Variants in CACNA1F observed in about 807,000 individuals in gnomAD.
The protein encoded by CACNA1F is voltage-dependent L-type calcium channel subunit alpha-1F.
CACNA1F carries 59 observed loss-of-function variants against 143.8 expected under a neutral mutation model. The observed-to-expected ratio is 0.41, with a 90% CI of 0.33 to 0.51. The LOEUF (loss-of-function observed/expected upper bound fraction) is 0.51, where lower values mean the gene tolerates loss of function less well. Among genes scored for constraint, CACNA1F ranks in the 20% least tolerant of loss-of-function variants. CACNA1F has a pLI of 0.22. For missense variants in CACNA1F, 1,411 were observed against 1,647.5 expected (o/e 0.86, Z 2.48); for synonymous variants, 643 against 649.1 (o/e 0.99, Z 0.14).
intron 1 of CACNA1F, 156 bp downstream of exon 1, chrX:49,233,129 A>G: frequency 1.9e-6 from 1 of 521,143 alleles, no homozygotes; most frequent in East Asian, 3.7e-5. Flanking sequence ...CTCTGGTGGC[A>G]GAGAGGCTGT....
Position 49,231,791 on chromosome X carries a change from G to T in CACNA1F, c.162C>A (p.His54Gln). The change falls in exon 2 of 48, where the codon CAC becomes CAA. Residue 54 changes from histidine to glutamine, a missense_variant. Around this residue, in one of 3 missense-constraint regions of CACNA1F, gnomAD observed 950 missense variants for 1,128.1 expected, o/e 0.84. Transcript: ENST00000323022. ...GLGTPKRRNQ[H>Q]SKHKTVAVAS... ...CCACTGCCACTGTCTTGTGCTTGCT[G>T]TGCTGGTTTCTTCGCTTAGGGGTCC... The T allele has an allele frequency of 3.3e-6, 4 of 1,211,509 alleles. No individual in the cohort carries two copies. Among genetic ancestry groups the T allele is most frequent in the Non-Finnish European group, 4.5e-6 (4 of 895,232 alleles).
chrX:49,225,685 G>A (rs2065816318), intron 13 of CACNA1F, among the ~76,000 whole-genome samples: 1 of 111,558 alleles, frequency 9.0e-6, no homozygotes, highest in South Asian at 3.8e-4. Context: ...GAAATTGTCA[G>A]TACACATAAA....
At chrX:49,228,603 C>T (rs782371499) in intron 6 of CACNA1F, among the ~76,000 whole-genome samples, 156 bp from the exon 7 acceptor site, 5 of 112,740 alleles carry the variant, frequency 4.4e-5, no homozygotes, top group Admixed American at 1.9e-4. Flanking sequence ...CTCCCTCTGT[C>T]GCCCAGGCTG....
intron 2 of CACNA1F, 47 bp downstream of exon 2, chrX:49,231,630 AC>A (rs1171937701): frequency 1.7e-6 from 2 of 1,197,540 alleles, no homozygotes; most frequent in Non-Finnish European, 2.3e-6. Flanking sequence ...TACTCCTGGT[AC>A]CCTGATGACC....
At position 49,223,073 on chromosome X, in the gene CACNA1F, G is replaced by T; in HGVS notation, c.1941C>A (p.Ser647=). ...TGAAGAGGAAGAGGAGAAGCAGCAA[G>T]GATGCGATGGATTTCATTGAATTGA... ...SLLNSMKSIA[S]LLLLLFLFII... Residue 647 remains serine (S), a synonymous_variant, in exon 15 of 48, where the codon TCC becomes TCA. Coordinates refer to ENST00000323022, the MANE Select transcript of CACNA1F (RefSeq NM_001256789.3). 1 of 1,202,613 alleles carries T rather than the reference G, an allele frequency of 8.3e-7. No homozygotes were observed. The highest frequency in any genetic ancestry group is 1.1e-6 in the Non-Finnish European group (1 of 890,215).
rs2092515329 is a variant in CACNA1F, at chrX:49,218,753, G to A, written c.2734-18C>T. The A allele has an allele frequency of 2.8e-6, 3 of 1,064,933 alleles. No homozygotes were observed. The highest frequency in any genetic ancestry group is 2.0e-5 in the South Asian group (1 of 50,212). The allele number at this position is 1,064,933 out of a possible 1,213,427, so 87.8% of individuals were successfully genotyped here. ...ACTGTCATCTGGGGACAGGACAAGA[G>A]GCTAGACTCAGACCTGGGGATGGTG... On this transcript the variant is annotated intron_variant, in intron 22 of 47. Transcript: ENST00000323022.
rs2065740868 is a variant in CACNA1F, at chrX:49,218,502, G to A, written c.2881C>T (p.Arg961Ter). The A allele has an allele frequency of 8.4e-7, 1 of 1,187,647 alleles. No individual in the cohort carries two copies. ...ISVVKILRVL[R>*]VLRPLRAINR... Reference sequence around the variant, plus strand: ...ATGGCTCGGAGGGGCCGCAGTACTCGGAGTACTCGCAGAATCTTCACCACC... The same window carrying A: ...ATGGCTCGGAGGGGCCGCAGTACTCAGAGTACTCGCAGAATCTTCACCACC... The change falls in exon 24 of 48, where the codon CGA becomes TGA. Residue 961 changes from arginine (R) to a stop codon, truncating the protein, a stop_gained. Coordinates refer to ENST00000323022, the MANE Select transcript of CACNA1F (RefSeq NM_001256789.3). LOFTEE classifies it high-confidence loss of function.
intron 21 of CACNA1F, 94 bp downstream of exon 21, chrX:49,219,227 C>A: frequency 2.1e-6 from 2 of 971,902 alleles, no homozygotes; most frequent in South Asian, 4.1e-5. Flanking sequence ...TCACCTAGGG[C>A]TCTTCTCCTT....
At chrX:49,225,105 G>T in intron 13 of CACNA1F, 119 bp from the exon 14 acceptor site, 2 of 537,959 alleles carry the variant, frequency 3.7e-6, no homozygotes, top group Non-Finnish European at 6.7e-6. Context: ...TGCTGGCTGA[G>T]GGAAGGCTTA....
chrX:49,218,917 A>G lies in CACNA1F; in HGVS notation c.2698T>C (p.Phe900Leu). 1 of 1,207,962 alleles carries G rather than the reference A, an allele frequency of 8.3e-7. No individual in the cohort carries two copies. ...NHILGYFDYA[F>L]TSIFTVEILL... ...ATCTCCACAGTGAAAATGGAGGTGA[A>G]GGCATAATCGAAGTAACCCAGAATC... The change falls in exon 22 of 48, where the codon TTC (phenylalanine) becomes CTC (leucine). Residue 900 changes from phenylalanine (F) to leucine (L), a missense_variant. Transcript: ENST00000323022.
intron 13 of CACNA1F, among the ~76,000 whole-genome samples, chrX:49,225,452 A>G (rs1317394203): frequency 9.0e-6 from 1 of 111,355 alleles, no homozygotes; most frequent in Non-Finnish European, 1.9e-5. Flanking sequence ...TCGCTGCTTC[A>G]TGAAGTGGAT....
In CACNA1F at chrX:49,214,267, GTGC is replaced by G; in HGVS notation, c.3598-1_3599del. 8.9e-7 allele frequency: 1 copy of G among 1,128,369 alleles called. No homozygotes were observed. Among genetic ancestry groups the G allele is most frequent in the Non-Finnish European group, 1.2e-6 (1 of 819,065 alleles). 93.0% of individuals were successfully genotyped at this position (1,128,369 alleles called of 1,213,427 possible). On this transcript the variant is annotated splice_acceptor_variant and coding_sequence_variant, in exon 30 of 48. Coordinates refer to ENST00000323022, the MANE Select transcript of CACNA1F (RefSeq NM_001256789.3). LOFTEE classifies it high-confidence loss of function. ...AGTTGAAGGGAGCAGTCTGCTCATA[GTGC>G]TGCAGGAGAAAATCAGGTTGAGATG...
chrX:49,216,482 C>T lies in CACNA1F; in HGVS notation c.3136G>A (p.Val1046Ile), dbSNP rs782580220. Residue 1046 changes from valine (V) to isoleucine (I), a missense_variant, in exon 27 of 48, where the codon GTC becomes ATC. Coordinates refer to ENST00000323022, the MANE Select transcript of CACNA1F (RefSeq NM_001256789.3). ...YPDGDVSRPL[V>I]RERLWVNSDF... Reference sequence around the variant, plus strand: ...CTGTTGACCCAGAGCCGCTCCCGGACCAGGGGCCGTGACACGTCTCCATCT... The same window carrying T: ...CTGTTGACCCAGAGCCGCTCCCGGATCAGGGGCCGTGACACGTCTCCATCT... 2.5e-6 allele frequency: 3 copies of T among 1,204,272 alleles called. No homozygotes were observed. Among genetic ancestry groups the T allele is most frequent in the South Asian group, 3.6e-5 (2 of 55,785 alleles).
At position 49,208,808 on chromosome X, in the gene CACNA1F, C is replaced by T. The variant is rs2065625837; in HGVS notation, c.4954-124G>A. Reference sequence around the variant, plus strand: ...GCCCTCCAACAGCAATGGTAAATGTCAAATAAATAAATACGTAAATAAATA... The same window carrying T: ...GCCCTCCAACAGCAATGGTAAATGTTAAATAAATAAATACGTAAATAAATA... On this transcript the variant is annotated intron_variant, in intron 42 of 47. Coordinates refer to ENST00000323022, the MANE Select transcript of CACNA1F (RefSeq NM_001256789.3). 4 of 558,717 alleles carry T rather than the reference C, an allele frequency of 7.2e-6. No individual in the cohort carries two copies. In the Admixed American group the frequency reaches 1.0e-4, roughly 14 times the overall value. 46.0% of individuals were successfully genotyped at this position (558,717 alleles called of 1,213,427 possible). A position where few individuals can be genotyped will look rare whatever the true frequency, so the allele number is the denominator to read the frequency against.
chrX:49,222,427 G>T (rs1400729342), intron 17 of CACNA1F, 95 bp downstream of exon 17: 3 of 650,986 alleles, frequency 4.6e-6, no homozygotes, highest in African/African-American at 4.4e-5. Context: ...GATTACCAGG[G>T]TGACTAGAGG....
chrX:49,210,931 C>T (rs1345127258), intron 37 of CACNA1F, 34 bp downstream of exon 37: 4 of 1,190,085 alleles, frequency 3.4e-6, no homozygotes, highest in African/African-American at 3.5e-5. Flanking sequence ...ATACATTGTC[C>T]CCTGGATTCT....
Position 49,205,837 on chromosome X carries a change from G to T in CACNA1F, c.5473-24C>A, listed in dbSNP as rs782097942. On this transcript the variant is annotated intron_variant, in intron 46 of 47. Coordinates refer to ENST00000323022, the MANE Select transcript of CACNA1F (RefSeq NM_001256789.3). ...CCCTGAGCCAGAATAAACATCAGAG[G>T]GGCAGGGATGGATGAGTAGGGTATG... is the stretch of plus-strand genomic sequence containing the variant. 20 of 1,160,937 alleles carry T rather than the reference G, an allele frequency of 1.7e-5. No homozygotes were observed. The South Asian group carries it at 3.2e-4, about 19-fold the overall frequency.
Position 49,231,213 on chromosome X carries a change from T to C in CACNA1F, c.370A>G (p.Asn124Asp), listed in dbSNP as rs367849166. Residue 124 changes from asparagine to aspartate, a missense_variant, in exon 3 of 48, where the codon AAC becomes GAC. Transcript: ENST00000323022. ...PFPEDDSNTA[N>D]HNLEQVEYVF... is the part of the protein sequence containing the mutation. ...GGGGCGGGCCTTACCAGGTTGTGGT[T>C]GGCAGTGTTGGAGTCGTCCTCAGGG... The C allele has an allele frequency of 6.8e-5, 78 of 1,150,476 alleles. No individual in the cohort carries two copies. Among genetic ancestry groups the C allele is most frequent in the Non-Finnish European group, 8.7e-5 (75 of 859,307 alleles). The allele number at this position is 1,150,476 out of a possible 1,213,427, so 94.8% of individuals were successfully genotyped here. A position where few individuals can be genotyped will look rare whatever the true frequency, so the allele number is the denominator to read the frequency against.
rs782266565 is a variant in CACNA1F, at chrX:49,213,823, A to G, written c.3788T>C (p.Val1263Ala). 3 of 1,182,219 alleles carry G rather than the reference A, an allele frequency of 2.5e-6. No homozygotes were observed. The highest frequency in any genetic ancestry group is 3.5e-6 in the Non-Finnish European group (3 of 868,534). ...GSIVDIAVTE[V>A]NNGGHLGESS... ...AGTGGAAAGGCCAGTTCTCACATTG[A>G]CTTCAGTGACGGCAATATCCACTAT... The change falls in exon 31 of 48, where the codon GTC becomes GCC. Residue 1263 changes from valine to alanine, a missense_variant. Physicochemically the swap from Val to Ala is moderately conservative, Grantham distance 64. Around this residue, in one of 3 missense-constraint regions of CACNA1F, gnomAD observed 950 missense variants for 1,128.1 expected, o/e 0.84. Transcript: ENST00000323022.
Sources: allele counts gnomAD v4.1 joint callset (sites outside exome capture counted in the v4.1 genomes callset), GRCh38; gene constraint gnomAD v4.1.1; regional missense constraint gnomAD v4.1.1; transcripts MANE v1.5; gene names NCBI Gene and HGNC (gene_info 2026-07-23, HGNC 2026-07-21).